Variants in SOBP observed in about 807,000 individuals in gnomAD.
SOBP encodes sine oculis binding protein homolog.
In SOBP, 4 loss-of-function variants were observed where a neutral mutation model predicts 53.6. The ratio of observed to expected loss-of-function variants is 0.07; its 90% CI spans 0.04 to 0.17. The LOEUF (loss-of-function observed/expected upper bound fraction) is 0.17. Among genes scored for constraint, SOBP ranks in the 10% least tolerant of loss-of-function variants. SOBP has a pLI of 1.00. For missense variants in SOBP, 1,088 were observed against 1,204.7 expected (o/e 0.90, Z 1.43); for synonymous variants, 584 against 522.6 (o/e 1.12, Z -1.60).
chr6:107,633,777 C>G lies in SOBP; in HGVS notation c.933C>G (p.Ala311=), dbSNP rs1244817666. The change falls in exon 6 of 7, where the codon GCC becomes GCG. Residue 311 remains alanine (A), a synonymous_variant. Coordinates refer to ENST00000317357, the MANE Select transcript of SOBP (RefSeq NM_018013.4). Reference sequence around the variant, plus strand: ...CGCTAACAGATGCTCGGAGGAAGGCCCCCTCCCCGGTGGCTACAGCTGGCC... The same window carrying G: ...CGCTAACAGATGCTCGGAGGAAGGCGCCCTCCCCGGTGGCTACAGCTGGCC... ...NIPLTDARRK[A]PSPVATAGQS... The G allele has an allele frequency of 1.2e-6, 2 of 1,614,098 alleles. No individual in the cohort carries two copies. Among genetic ancestry groups the G allele is most frequent in the African/African-American group, 2.7e-5 (2 of 74,932 alleles).
intron 6 of SOBP, among the ~76,000 whole-genome samples, chr6:107,646,405 C>A (rs1771561315): frequency 6.6e-6 from 1 of 152,208 alleles, no homozygotes; most frequent in African/African-American, 2.4e-5. Flanking sequence ...GAGGCCCCAC[C>A]CTTCTGACCA....
At chr6:107,530,074 G>A (rs527645208) in intron 3 of SOBP, among the ~76,000 whole-genome samples, 2 of 152,244 alleles carry the variant, frequency 1.3e-5, no homozygotes, top group South Asian at 2.1e-4. Flanking sequence ...CAGGCTGATG[G>A]CTGTAAGGTA....
At chr6:107,585,435 T>C (rs1785535582) in intron 4 of SOBP, among the ~76,000 whole-genome samples, 1 of 152,208 alleles carries the variant, frequency 6.6e-6, no homozygotes. Flanking sequence ...GCTATATTAA[T>C]TTAAACCATG....
At chr6:107,633,472 T>G in intron 5 of SOBP, 42 bp from the exon 6 acceptor site, 1 of 1,612,778 alleles carries the variant, frequency 6.2e-7, no homozygotes, top group South Asian at 1.1e-5. Flanking sequence ...CCAGGTAAAT[T>G]GCTTGTCTTA....
chr6:107,631,999 T>A (rs1456589842), intron 5 of SOBP, among the ~76,000 whole-genome samples: 1 of 152,216 alleles, frequency 6.6e-6, no homozygotes, highest in Non-Finnish European at 1.5e-5. Flanking sequence ...CCACCACTGT[T>A]TACAATCAAG....
intron 5 of SOBP, among the ~76,000 whole-genome samples, chr6:107,608,593 C>T (rs1383931796): frequency 6.6e-6 from 1 of 152,174 alleles, no homozygotes; most frequent in Admixed American, 6.5e-5. Context: ...AATCTAAAGC[C>T]GGGTAAGTGC....
intron 3 of SOBP, among the ~76,000 whole-genome samples, chr6:107,533,098 CT>C (rs1484626879): frequency 2.0e-5 from 3 of 151,292 alleles, no homozygotes; most frequent in African/African-American, 7.3e-5. Flanking sequence ...TTCACAGGAC[CT>C]TTGAAGAAAT....
chr6:107,652,153 A>G (rs1771828110), intron 6 of SOBP, among the ~76,000 whole-genome samples: 1 of 152,256 alleles, frequency 6.6e-6, no homozygotes, highest in African/African-American at 2.4e-5. Flanking sequence ...ATAAGGCTCT[A>G]GCTGCCATTG....
At chr6:107,537,241 TAACA>T (rs1784025456) in intron 4 of SOBP, among the ~76,000 whole-genome samples, 1 of 152,154 alleles carries the variant, frequency 6.6e-6, no homozygotes. Flanking sequence ...TAAAAAGGAG[TAACA>T]AACAAGACCA....
chr6:107,542,214 C>G (rs753670674), intron 4 of SOBP, among the ~76,000 whole-genome samples: 1 of 151,992 alleles, frequency 6.6e-6, no homozygotes, highest in African/African-American at 2.4e-5. Flanking sequence ...CTGAGGATCA[C>G]AGGAGTTATT....
chr6:107,564,818 C>T (rs1784871499), intron 4 of SOBP, among the ~76,000 whole-genome samples: 1 of 152,202 alleles, frequency 6.6e-6, no homozygotes. Flanking sequence ...AACTTGCAGA[C>T]CTGAGATACC....
chr6:107,645,771 G>A (rs745777152), intron 6 of SOBP, among the ~76,000 whole-genome samples: 10 of 152,202 alleles, frequency 6.6e-5, no homozygotes, highest in Admixed American at 1.3e-4. Context: ...CCTTCTGGTC[G>A]ATGAATTCTG....
chr6:107,521,899 C>T (rs1783501611), intron 3 of SOBP, among the ~76,000 whole-genome samples: 1 of 145,444 alleles, frequency 6.9e-6, no homozygotes. Flanking sequence ...GTGGAAGAGA[C>T]AGACATTAAA....
chr6:107,638,295 C>T (rs1032499280), intron 6 of SOBP, among the ~76,000 whole-genome samples: 30 of 152,238 alleles, frequency 2.0e-4, no homozygotes, highest in Admixed American at 2.0e-3. Flanking sequence ...ACTGCAACCT[C>T]GGCTGCCTGG....
intron 5 of SOBP, among the ~76,000 whole-genome samples, chr6:107,603,297 G>T (rs1786253452): frequency 6.6e-6 from 1 of 152,172 alleles, no homozygotes; most frequent in Non-Finnish European, 1.5e-5. Flanking sequence ...ATGGAGAATG[G>T]GTGTCAGTGG....
chr6:107,595,299 T>C (rs1785905017), intron 5 of SOBP, among the ~76,000 whole-genome samples: 1 of 146,924 alleles, frequency 6.8e-6, no homozygotes, highest in South Asian at 2.3e-4. Context: ...TTCAATATGA[T>C]ACAAACATTC....
chr6:107,541,575 A>G (rs944895041), intron 4 of SOBP, among the ~76,000 whole-genome samples: 12 of 152,246 alleles, frequency 7.9e-5, no homozygotes, highest in Admixed American at 6.5e-5. Context: ...CTCAATGGGT[A>G]ATAGGAATTT....
At chr6:107,509,406 AAAAAC>A (rs982784134) in intron 3 of SOBP, among the ~76,000 whole-genome samples, 2 of 151,670 alleles carry the variant, frequency 1.3e-5, no homozygotes, top group Non-Finnish European at 1.5e-5. Flanking sequence ...AAAAAAAAAA[AAAAAC>A]AAAACAAAAA....
chr6:107,527,599 T>G (rs368477041), intron 3 of SOBP, among the ~76,000 whole-genome samples: 1 of 152,186 alleles, frequency 6.6e-6, no homozygotes, highest in African/African-American at 2.4e-5. Flanking sequence ...TAATCGTATT[T>G]GATCCTCACC....
Sources: allele counts gnomAD v4.1 joint callset (sites outside exome capture counted in the v4.1 genomes callset), GRCh38; gene constraint gnomAD v4.1.1; transcripts MANE v1.5; gene names NCBI Gene and HGNC (gene_info 2026-07-23, HGNC 2026-07-21).